PTPRG: variants seen among roughly 807,000 people sequenced by gnomAD.
PTPRG encodes the protein receptor-type tyrosine-protein phosphatase gamma.
PTPRG carries 102 observed loss-of-function variants against 165.3 expected under a neutral mutation model. That is an observed-to-expected ratio of 0.62 (90% CI 0.53 to 0.73). The LOEUF is 0.73. Ranked by LOEUF, PTPRG falls within the 30% of genes least tolerant of loss-of-function variation. PTPRG has a pLI of 0.00. For synonymous variants in PTPRG, 675 were observed against 669.5 expected, an observed-to-expected ratio of 1.01 and a Z score of -0.13; for missense variants, 1,866 against 1,861.4, an observed-to-expected ratio of 1.00 and a Z score of -0.05.
At chr3:62,285,973 T>TA (rs1231176765) in intron 28 of PTPRG, among the ~76,000 whole-genome samples, 1 of 152,198 alleles carries the variant, frequency 6.6e-6, no homozygotes, top group Admixed American at 6.5e-5. Flanking sequence ...AGTGGACAAT[T>TA]AAAAAGAGTT....
chr3:62,221,168 A>G (rs1700642652), intron 13 of PTPRG, among the ~76,000 whole-genome samples: 1 of 152,226 alleles, frequency 6.6e-6, no homozygotes, highest in Non-Finnish European at 1.5e-5. Context: ...AGTGAGTCCA[A>G]ATGGAAAATA....
intron 5 of PTPRG, among the ~76,000 whole-genome samples, chr3:62,129,370 CGTA>C (rs1703431224): frequency 6.6e-6 from 1 of 152,180 alleles, no homozygotes; most frequent in South Asian, 2.1e-4. Context: ...AAGTTCCTGT[CGTA>C]GTCTTTTTTG....
At chr3:62,235,221 G>C (rs1701002230) in intron 14 of PTPRG, among the ~76,000 whole-genome samples, 1 of 152,160 alleles carries the variant, frequency 6.6e-6, no homozygotes. Context: ...CAAAATCAGT[G>C]GGATATTGTG....
intron 2 of PTPRG, among the ~76,000 whole-genome samples, chr3:61,758,014 T>C (rs1364856473): frequency 1.3e-5 from 2 of 152,240 alleles, no homozygotes; most frequent in African/African-American, 2.4e-5. Context: ...CAAAACGTTC[T>C]CTTTCATTAC....
intron 5 of PTPRG, among the ~76,000 whole-genome samples, chr3:62,131,930 A>G (rs1703530927): frequency 3.3e-5 from 5 of 152,242 alleles, no homozygotes; most frequent in Admixed American, 2.6e-4. Flanking sequence ...TAGAATTTTA[A>G]TCTTCTAGAA....
At chr3:62,186,698 TG>T (rs760788519) in intron 8 of PTPRG, among the ~76,000 whole-genome samples, 2 of 151,688 alleles carry the variant, frequency 1.3e-5, no homozygotes, top group Non-Finnish European at 2.9e-5. Flanking sequence ...CCTGAGTAGC[TG>T]GGACTATAGG....
At chr3:62,151,591 G>A (rs1331329356) in intron 6 of PTPRG, among the ~76,000 whole-genome samples, 1 of 150,744 alleles carries the variant, frequency 6.6e-6, no homozygotes, top group Non-Finnish European at 1.5e-5. Context: ...GGTGGAATAC[G>A]AGATGCATTT....
rs969728682 is a variant in PTPRG, at chr3:62,125,956, GC to G, written c.616-6641del. Among the ~76,000 whole-genome samples, 22 of 152,096 alleles carry G rather than the reference GC, an allele frequency of 1.4e-4. 1 individual carries two copies. The highest frequency in any genetic ancestry group is 4.8e-4 in the African/African-American group (20 of 41,518). On this transcript the variant is annotated intron_variant, in intron 5 of 29. Coordinates refer to ENST00000474889, the MANE Select transcript of PTPRG (RefSeq NM_002841.4). ...CAGAAGGACAAAAATCACCATGCGG[GC>G]CCCCACGGGAGTACCATTTGCCAGG...
chr3:61,779,087 G>A (rs2034469486), intron 2 of PTPRG, among the ~76,000 whole-genome samples: 1 of 152,154 alleles, frequency 6.6e-6, no homozygotes, highest in Admixed American at 6.5e-5. Flanking sequence ...CACGTTCTAA[G>A]GGAGGGAAGT....
chr3:61,738,847 T>C (rs1159905110), intron 1 of PTPRG, among the ~76,000 whole-genome samples: 1 of 152,090 alleles, frequency 6.6e-6, no homozygotes. Flanking sequence ...CCATCACGGC[T>C]CATGGCAACC....
At chr3:61,619,719 G>A (rs1701396914) in intron 1 of PTPRG, among the ~76,000 whole-genome samples, 1 of 152,188 alleles carries the variant, frequency 6.6e-6, no homozygotes, top group South Asian at 2.1e-4. Flanking sequence ...TCTGGAAGAA[G>A]TCAACAAGGA....
chr3:61,593,381 A>G (rs1700621241), intron 1 of PTPRG, among the ~76,000 whole-genome samples: 1 of 137,120 alleles, frequency 7.3e-6, no homozygotes, highest in Non-Finnish European at 1.6e-5. Flanking sequence ...TTTGTTAGCT[A>G]GGTAAAAATA....
intron 5 of PTPRG, among the ~76,000 whole-genome samples, chr3:62,125,634 A>G (rs1703260428): frequency 6.6e-6 from 1 of 151,624 alleles, no homozygotes; most frequent in Non-Finnish European, 1.5e-5. Context: ...AAGTCACTGA[A>G]CCTGAAATAA....
At chr3:62,104,750 G>T (rs548775543) in intron 5 of PTPRG, among the ~76,000 whole-genome samples, 2 of 152,284 alleles carry the variant, frequency 1.3e-5, no homozygotes, top group South Asian at 4.1e-4. Flanking sequence ...CTTCCCATGT[G>T]CATTACTACT....
chr3:62,092,542 G>A (rs1701979850), intron 5 of PTPRG, among the ~76,000 whole-genome samples: 1 of 151,216 alleles, frequency 6.6e-6, no homozygotes, highest in Non-Finnish European at 1.5e-5. Flanking sequence ...GACATTCCTT[G>A]TGAGTCAGCT....
chr3:61,950,843 G>T (rs1193352627), intron 2 of PTPRG, among the ~76,000 whole-genome samples: 3 of 152,184 alleles, frequency 2.0e-5, no homozygotes, highest in Non-Finnish European at 4.4e-5. Context: ...CTCAGTTGCT[G>T]CATGGCATAT....
chr3:62,084,054 T>C (rs762433021), intron 5 of PTPRG, among the ~76,000 whole-genome samples: 6 of 152,134 alleles, frequency 3.9e-5, no homozygotes, highest in Non-Finnish European at 7.3e-5. Flanking sequence ...CATAAATGCA[T>C]GATTCTTCAA....
intron 2 of PTPRG, among the ~76,000 whole-genome samples, chr3:61,894,634 G>A (rs928875710): frequency 2.6e-5 from 4 of 152,090 alleles, no homozygotes; most frequent in African/African-American, 7.2e-5. Context: ...CTAACTTAAT[G>A]TCACCCAGAT....
intron 2 of PTPRG, among the ~76,000 whole-genome samples, chr3:61,894,801 C>A (rs1279352765): frequency 6.6e-6 from 1 of 152,096 alleles, no homozygotes; most frequent in Non-Finnish European, 1.5e-5. Context: ...CCTTGGAGAT[C>A]AGATCCACTT....
Sources: gnomAD v4.1 joint callset for allele counts (sites outside exome capture counted in the v4.1 genomes callset) on GRCh38, gnomAD v4.1.1 for gene constraint, MANE v1.5 for transcripts, NCBI Gene and HGNC (gene_info 2026-07-23, HGNC 2026-07-21) for gene names.